The following ERICH6B variants were observed in gnomAD, a reference collection of about 807,000 sequenced individuals.
The protein encoded by ERICH6B is glutamate-rich protein 6B.
In ERICH6B, 69 loss-of-function variants were observed where a neutral mutation model predicts 80.0. The observed-to-expected ratio is 0.86, with a 90% CI of 0.71 to 1.05. The LOEUF (loss-of-function observed/expected upper bound fraction) is 1.05. ERICH6B is among the 50% of genes least tolerant of loss of function. The pLI is 0.00. For synonymous variants in ERICH6B, 283 were observed against 291.9 expected (o/e 0.97, Z 0.31); for missense variants, 754 against 796.1 (o/e 0.95, Z 0.64).
chr13:45,561,574 GAGAA>G, intron 10 of ERICH6B, 48 bp from the exon 11 acceptor site: 1 of 1,539,348 alleles, frequency 6.5e-7, no homozygotes, highest in Non-Finnish European at 8.8e-7. Context: ...TGGTGGGAAA[GAGAA>G]AGGAAACTTA....
At chr13:45,585,364 C>T (rs981967632) in intron 5 of ERICH6B, among the ~76,000 whole-genome samples, 1 of 152,178 alleles carries the variant, frequency 6.6e-6, no homozygotes, top group Non-Finnish European at 1.5e-5. Context: ...CCAGGAGCTG[C>T]TAAATCTATT....
At chr13:45,603,661 C>A (rs77919424) in intron 2 of ERICH6B, among the ~76,000 whole-genome samples, 6,835 of 152,224 alleles carry the variant, frequency 0.045, 166 homozygotes, top group African/African-American at 0.051. Context: ...CTCCCTCTGT[C>A]ACCCCCTTTC....
intron 8 of ERICH6B, among the ~76,000 whole-genome samples, chr13:45,569,120 G>A (rs1046567327): frequency 2.6e-5 from 4 of 151,814 alleles, no homozygotes; most frequent in South Asian, 2.1e-4. Context: ...AAGTAATGAT[G>A]TTACAAGGTG....
At chr13:45,567,855 A>G (rs1426753481) in intron 9 of ERICH6B, among the ~76,000 whole-genome samples, 3 of 152,224 alleles carry the variant, frequency 2.0e-5, no homozygotes, top group Non-Finnish European at 4.4e-5. Flanking sequence ...TCCCTCCTTC[A>G]GGATGCATGG....
chr13:45,586,149 T>A (rs1249733379), intron 5 of ERICH6B, among the ~76,000 whole-genome samples: 4 of 152,202 alleles, frequency 2.6e-5, no homozygotes, highest in Non-Finnish European at 5.9e-5. Flanking sequence ...AGGTCCCCAG[T>A]GAACCGATGT....
At position 45,597,056 on chromosome 13, in the gene ERICH6B, T is replaced by C; in HGVS notation, c.-51A>G. The stretch of plus-strand genomic sequence containing the variant: ...TCCTTCTGCAGCAGCCAACGTCACT[T>C]TATTATCCTGTATCCAAGAAAGGAA... On this transcript the variant is annotated 5_prime_UTR_variant, in exon 3 of 15. Coordinates refer to ENST00000298738, the MANE Select transcript of ERICH6B (RefSeq NM_182542.3). The C allele has an allele frequency of 6.8e-7, 1 of 1,480,514 alleles. No homozygotes were observed. The highest frequency in any genetic ancestry group is 2.4e-5 in the Admixed American group (1 of 41,084). 91.7% of individuals were successfully genotyped at this position (1,480,514 alleles called of 1,614,324 possible).
At chr13:45,556,774 T>A (rs1874458460) in intron 11 of ERICH6B, among the ~76,000 whole-genome samples, 1 of 152,114 alleles carries the variant, frequency 6.6e-6, no homozygotes. Context: ...TATATATATG[T>A]GTGTGTATAT....
At chr13:45,604,305 C>A (rs1415018636) in intron 2 of ERICH6B, among the ~76,000 whole-genome samples, 1 of 152,232 alleles carries the variant, frequency 6.6e-6, no homozygotes, top group Non-Finnish European at 1.5e-5. Context: ...GTTTCCAGTT[C>A]CTCCCAGCTT....
chr13:45,594,562 A>T (rs573123202), intron 3 of ERICH6B, among the ~76,000 whole-genome samples: 5 of 152,238 alleles, frequency 3.3e-5, no homozygotes, highest in Non-Finnish European at 7.3e-5. Context: ...GGCATACAGA[A>T]AAGAGAGTTT....
At chr13:45,572,987 C>T (rs565402625) in intron 8 of ERICH6B, among the ~76,000 whole-genome samples, 6 of 151,950 alleles carry the variant, frequency 3.9e-5, no homozygotes, top group South Asian at 2.1e-4. Flanking sequence ...CATGCCCTCT[C>T]GGTGGGAATA....
Position 45,596,771 on chromosome 13 carries a change from ATTC to A in ERICH6B, c.232_234del (p.Glu78del), listed in dbSNP as rs1451576019. 2.6e-6 allele frequency: 4 copies of A among 1,551,334 alleles called. No individual in the cohort carries two copies. In the South Asian group the frequency reaches 3.6e-5, roughly 14 times the overall value. On this transcript the variant is annotated inframe_deletion, in exon 3 of 15. Coordinates refer to ENST00000298738, the MANE Select transcript of ERICH6B (RefSeq NM_182542.3). ...CCCAGATACTCTTCCTCCTTCAAGT[ATTC>A]TTCTTTCCCCAGATACTCTTCCTCT...
chr13:45,606,547 ATTTTTT>A (rs71074722), intron 2 of ERICH6B, among the ~76,000 whole-genome samples: 193 of 16,488 alleles, frequency 0.012, 2 homozygotes, highest in South Asian at 0.027. Context: ...ATATATATAT[ATTTTTT>A]TTTTTTTTTT....
intron 13 of ERICH6B, among the ~76,000 whole-genome samples, chr13:45,549,150 G>T (rs1025421988): frequency 6.6e-6 from 1 of 152,056 alleles, no homozygotes; most frequent in Admixed American, 6.6e-5. Flanking sequence ...TGGGCTTGGC[G>T]GTGCATGCCT....
intron 9 of ERICH6B, among the ~76,000 whole-genome samples, chr13:45,564,999 G>A (rs1191157633): frequency 6.6e-6 from 1 of 152,212 alleles, no homozygotes; most frequent in East Asian, 1.9e-4. Context: ...GCCTAAATTA[G>A]CACATAGTAG....
At chr13:45,563,228 A>G (rs1292968190) in intron 10 of ERICH6B, among the ~76,000 whole-genome samples, 1 of 152,068 alleles carries the variant, frequency 6.6e-6, no homozygotes, top group Non-Finnish European at 1.5e-5. Context: ...CACTCCCCCA[A>G]ATCTGTGTTA....
Position 45,596,711 on chromosome 13 carries a change from C to G in ERICH6B, c.295G>C (p.Glu99Gln). The G allele has an allele frequency of 6.4e-7, 1 of 1,551,926 alleles. No homozygotes were observed. The highest frequency in any genetic ancestry group is 8.7e-7 in the Non-Finnish European group (1 of 1,147,070). Residue 99 changes from glutamate (E) to glutamine (Q), a missense_variant, in exon 3 of 15, where the codon GAG becomes CAG. Transcript: ENST00000298738. ...TCCTCCTCCAGATACCCTGCCTTCT[C>G]CAGATACTCTTCCTCCTCCAGATGC... is the stretch of plus-strand genomic sequence containing the variant. ...EEHLEEEEYL[E>Q]KAGYLEEEEY...
chr13:45,593,676 G>A (rs1876246082), intron 3 of ERICH6B, among the ~76,000 whole-genome samples: 1 of 152,138 alleles, frequency 6.6e-6, no homozygotes, highest in South Asian at 2.1e-4. Flanking sequence ...AAAGGAAAAT[G>A]TGCTCTTCAT....
intron 14 of ERICH6B, among the ~76,000 whole-genome samples, chr13:45,542,008 C>T (rs1341295219): frequency 6.6e-6 from 1 of 152,216 alleles, no homozygotes; most frequent in African/African-American, 2.4e-5. Context: ...CGGGCTTCTC[C>T]CCATGGGGTC....
Position 45,550,307 on chromosome 13 carries a change from C to T in ERICH6B, c.1417G>A (p.Gly473Ser), listed in dbSNP as rs1435706404. 2 of 1,551,226 alleles carry T rather than the reference C, an allele frequency of 1.3e-6. No homozygotes were observed. Among genetic ancestry groups the T allele is most frequent in the Non-Finnish European group, 1.7e-6 (2 of 1,146,704 alleles). Residue 473 changes from glycine to serine, a missense_variant, in exon 12 of 15, where the codon GGT becomes AGT. Coordinates refer to ENST00000298738, the MANE Select transcript of ERICH6B (RefSeq NM_182542.3). The stretch of plus-strand genomic sequence containing the variant: ...GGGTAGAGAATTAATTTTCCATCAC[C>T]TTGATGCACCTGGGAAGAAAAGACA... ...WIQKKTVVHQ[G>S]DGKLILYPNK...
Sources: allele counts gnomAD v4.1 joint callset (sites outside exome capture counted in the v4.1 genomes callset), GRCh38; gene constraint gnomAD v4.1.1; transcripts MANE v1.5; gene names NCBI Gene and HGNC (gene_info 2026-07-23, HGNC 2026-07-21).